Variants in BLTP3B observed in about 807,000 individuals in gnomAD.
BLTP3B encodes the protein UHRF1 (ICBP90) binding protein 1-like.
the BLTP3B span, chr12:100,039,591 A>T: frequency 1.2e-6 from 2 of 1,610,284 alleles, no homozygotes; most frequent in Non-Finnish European, 1.7e-6. Context: ...TAGGTTTCCC[A>T]TTACCTGTTC....
the BLTP3B span, among the ~76,000 whole-genome samples, chr12:100,108,826 C>T: frequency 6.6e-6 from 1 of 152,158 alleles, no homozygotes; most frequent in Non-Finnish European, 1.5e-5. Flanking sequence ...AAACTTTACA[C>T]ACTCTCGTTC....
the BLTP3B span, chr12:100,086,363 G>GA: frequency 0.078 from 29,098 of 371,922 alleles, 571 homozygotes; most frequent in Middle Eastern, 0.16. Flanking sequence ...TTGACTCTGG[G>GA]AAAAAAAAAG....
chr12:100,128,481 G>T, the BLTP3B span: 1 of 960,276 alleles, frequency 1.0e-6, no homozygotes, highest in Non-Finnish European at 1.3e-6. Context: ...GACTAAAACA[G>T]TAAGAAAATA....
At chr12:100,097,514 AAC>A in the BLTP3B span, 1 of 1,596,700 alleles carries the variant, frequency 6.3e-7, no homozygotes, top group South Asian at 1.1e-5. Flanking sequence ...ACCTAAGGAG[AAC>A]ACAGAGATTA....
At chr12:100,091,809 C>CT in the BLTP3B span, among the ~76,000 whole-genome samples, 7,062 of 134,682 alleles carry the variant, frequency 0.052, 345 homozygotes, top group African/African-American at 0.14. Flanking sequence ...CTGGCCAAAT[C>CT]TTTTTTTTTT....
chr12:100,050,232 G>C, the BLTP3B span: 3 of 1,610,434 alleles, frequency 1.9e-6, no homozygotes, highest in African/African-American at 2.7e-5. Context: ...GTGTCACCTG[G>C]TTCACTTGAA....
At chr12:100,063,017 C>T in the BLTP3B span, among the ~76,000 whole-genome samples, 1 of 151,070 alleles carries the variant, frequency 6.6e-6, no homozygotes, top group Non-Finnish European at 1.5e-5. Context: ...ATACTGGAAA[C>T]TACTCTTAAC....
the BLTP3B span, among the ~76,000 whole-genome samples, chr12:100,121,110 G>A: frequency 1.3e-5 from 2 of 152,168 alleles, no homozygotes; most frequent in Non-Finnish European, 2.9e-5. Flanking sequence ...CACTTTGGGA[G>A]GTCGAGGTGG....
At chr12:100,037,533 C>A in the BLTP3B span, 3 of 1,544,840 alleles carry the variant, frequency 1.9e-6, no homozygotes, top group Non-Finnish European at 2.6e-6. Flanking sequence ...GTTTTATTGT[C>A]TTTTCATGAA....
chr12:100,050,230 T>C, the BLTP3B span: 2 of 1,610,690 alleles, frequency 1.2e-6, no homozygotes, highest in South Asian at 1.1e-5. Flanking sequence ...TGGTGTCACC[T>C]GGTTCACTTG....
chr12:100,075,113 G>T, the BLTP3B span, among the ~76,000 whole-genome samples: 1 of 151,768 alleles, frequency 6.6e-6, no homozygotes, highest in African/African-American at 2.4e-5. Flanking sequence ...CCGGGTTCAA[G>T]CAATTCTCCT....
the BLTP3B span, chr12:100,097,225 T>C: frequency 3.9e-6 from 3 of 762,714 alleles, no homozygotes; most frequent in Non-Finnish European, 5.9e-6. Context: ...ATTATTTTAA[T>C]ATGCCACTGG....
the BLTP3B span, among the ~76,000 whole-genome samples, chr12:100,136,316 T>C: frequency 6.6e-6 from 1 of 152,212 alleles, no homozygotes; most frequent in African/African-American, 2.4e-5. Context: ...AAATTTCATA[T>C]AGCAATAAAA....
the BLTP3B span, among the ~76,000 whole-genome samples, chr12:100,086,602 G>C: frequency 6.6e-6 from 1 of 152,216 alleles, no homozygotes; most frequent in South Asian, 2.1e-4. Context: ...TGCCCTGGTA[G>C]AGTTCACAGA....
At chr12:100,116,272 T>C in the BLTP3B span, among the ~76,000 whole-genome samples, 1 of 149,974 alleles carries the variant, frequency 6.7e-6, no homozygotes. Flanking sequence ...AGCCCAGAAG[T>C]AGTGAGACCT....
the BLTP3B span, among the ~76,000 whole-genome samples, chr12:100,091,686 G>A: frequency 6.6e-6 from 1 of 150,760 alleles, no homozygotes; most frequent in Admixed American, 6.6e-5. Context: ...TGTGTTTTTA[G>A]TAGAGACAGG....
the BLTP3B span, chr12:100,095,845 A>G: frequency 6.5e-6 from 10 of 1,534,012 alleles, no homozygotes; most frequent in South Asian, 6.2e-5. Flanking sequence ...TAACTGTAGG[A>G]AAAAAAAATG....
At chr12:100,057,236 T>C in the BLTP3B span, among the ~76,000 whole-genome samples, 1 of 152,148 alleles carries the variant, frequency 6.6e-6, no homozygotes, top group South Asian at 2.1e-4. Flanking sequence ...AATTGCTGGA[T>C]CTCAGCCATA....
the BLTP3B span, among the ~76,000 whole-genome samples, chr12:100,132,906 C>T: frequency 2.0e-5 from 3 of 152,090 alleles, no homozygotes; most frequent in African/African-American, 4.8e-5. Flanking sequence ...TGAGATTGTG[C>T]CACTATTCTC....
Sources: allele counts gnomAD v4.1 joint callset (sites outside exome capture counted in the v4.1 genomes callset), GRCh38; gene constraint gnomAD v4.1.1; transcripts MANE v1.5; gene names NCBI Gene and HGNC (gene_info 2026-07-23, HGNC 2026-07-21).